SEMA3E: variants seen among roughly 807,000 people sequenced by gnomAD.
SEMA3E encodes semaphorin 3E.
A neutral mutation model predicts 93.6 loss-of-function variants in SEMA3E; 49 were observed. That is an observed-to-expected ratio of 0.52 (90% CI 0.42 to 0.66). The LOEUF (loss-of-function observed/expected upper bound fraction) is 0.66, where lower values mean the gene tolerates loss of function less well. SEMA3E is among the 30% of genes least tolerant of loss of function. The pLI is 0.00. For synonymous variants in SEMA3E, 363 were observed against 330.7 expected (o/e 1.10, Z -1.06); for missense variants, 906 against 964.8 (o/e 0.94, Z 0.81).
At chr7:83,582,893 T>G (rs1057490876) in intron 1 of SEMA3E, among the ~76,000 whole-genome samples, 3 of 152,126 alleles carry the variant, frequency 2.0e-5, no homozygotes, top group African/African-American at 7.2e-5. Context: ...TGTATATGTA[T>G]GTAAATATTT....
At chr7:83,389,159 A>C (rs989582954) in intron 14 of SEMA3E, among the ~76,000 whole-genome samples, 1 of 152,106 alleles carries the variant, frequency 6.6e-6, no homozygotes, top group Admixed American at 6.6e-5. Context: ...GCAAAAGTAG[A>C]AAGTTGTATG....
At position 83,466,566 on chromosome 7, in the gene SEMA3E, G is replaced by T; in HGVS notation, c.372C>A (p.His124Gln). The change falls in exon 4 of 17, where the codon CAC (histidine) becomes CAA (glutamine). Residue 124 changes from histidine (H) to glutamine (Q), a missense_variant. Transcript: ENST00000643230. The part of the protein sequence containing the change: ...ECANYVRVLH[H>Q]YNRTHLLTCG... ...AGGTCAGAAGGTGTGTCCTGTTATA[G>T]TGATGCAAAACCCGAACATAATTTG... 1 of 1,613,932 alleles carries T rather than the reference G, an allele frequency of 6.2e-7. No homozygotes were observed. Among genetic ancestry groups the T allele is most frequent in the Non-Finnish European group, 8.5e-7 (1 of 1,179,988 alleles).
chr7:83,505,645 A>G (rs978589304), intron 1 of SEMA3E, among the ~76,000 whole-genome samples: 2 of 152,102 alleles, frequency 1.3e-5, no homozygotes, highest in Non-Finnish European at 1.5e-5. Context: ...TTATTTGTTA[A>G]TTTTTGGAAA....
At chr7:83,502,668 C>A (rs1265061737) in intron 1 of SEMA3E, among the ~76,000 whole-genome samples, 2 of 152,180 alleles carry the variant, frequency 1.3e-5, no homozygotes, top group Non-Finnish European at 2.9e-5. Context: ...ATTATCTTTT[C>A]ATATCCTGTA....
chr7:83,383,463 G>A (rs972623546), intron 16 of SEMA3E, among the ~76,000 whole-genome samples: 1 of 151,844 alleles, frequency 6.6e-6, no homozygotes, highest in African/African-American at 2.4e-5. Context: ...CTTTAATAAA[G>A]TCAGAATTTT....
intron 1 of SEMA3E, among the ~76,000 whole-genome samples, chr7:83,601,989 G>A (rs1435786697): frequency 6.6e-6 from 1 of 152,106 alleles, no homozygotes; most frequent in Non-Finnish European, 1.5e-5. Flanking sequence ...ATATTCCTGG[G>A]CATATACTAA....
At chr7:83,604,319 G>A (rs1167933734) in intron 1 of SEMA3E, among the ~76,000 whole-genome samples, 1 of 151,722 alleles carries the variant, frequency 6.6e-6, no homozygotes, top group East Asian at 1.9e-4. Flanking sequence ...GAATCAAGTT[G>A]TCTATAATTT....
chr7:83,602,976 A>C (rs1246866862), intron 1 of SEMA3E, among the ~76,000 whole-genome samples: 1 of 152,210 alleles, frequency 6.6e-6, no homozygotes, highest in African/African-American at 2.4e-5. Context: ...GCATATAGTA[A>C]GTGTGCAATA....
intron 1 of SEMA3E, among the ~76,000 whole-genome samples, chr7:83,546,330 G>A (rs1023529211): frequency 1.1e-5 from 1 of 92,452 alleles, no homozygotes; most frequent in African/African-American, 9.2e-5. Flanking sequence ...GGGTGTGTGT[G>A]TGTGTGTGTG....
rs114528353 is a variant in SEMA3E at position 83,420,018 on chromosome 7, G to A, written c.457-1535C>T. Among the ~76,000 whole-genome samples, 1,304 of 152,212 alleles carry A rather than the reference G, an allele frequency of 8.6e-3. 16 individuals carry two copies. The highest frequency in any genetic ancestry group is 0.03 in the African/African-American group (1,232 of 41,544). ...AGAAGTCAAACGATCTCTCTTCACTGATTGATTCTATACCTAGAAAATTCT... is the reference window on the plus strand; with the variant it reads ...AGAAGTCAAACGATCTCTCTTCACTAATTGATTCTATACCTAGAAAATTCT... On this transcript the variant is annotated intron_variant, in intron 4 of 16. Coordinates refer to ENST00000643230, the MANE Select transcript of SEMA3E (RefSeq NM_012431.3).
chr7:83,442,815 G>GC (rs1196082391), intron 4 of SEMA3E, among the ~76,000 whole-genome samples: 1 of 152,060 alleles, frequency 6.6e-6, no homozygotes, highest in African/African-American at 2.4e-5. Flanking sequence ...GAACTTCTAT[G>GC]CCCCCCATGA....
chr7:83,433,844 T>C (rs535220232), intron 4 of SEMA3E, among the ~76,000 whole-genome samples: 1 of 152,112 alleles, frequency 6.6e-6, no homozygotes, highest in Non-Finnish European at 1.5e-5. Flanking sequence ...CTATAGCTTA[T>C]CAAAGTTAGA....
At chr7:83,587,194 A>G (rs1462886650) in intron 1 of SEMA3E, among the ~76,000 whole-genome samples, 3 of 152,204 alleles carry the variant, frequency 2.0e-5, no homozygotes, top group African/African-American at 7.2e-5. Flanking sequence ...AAAGATTTAT[A>G]TATATATGTT....
intron 2 of SEMA3E, among the ~76,000 whole-genome samples, chr7:83,481,259 A>G (rs1415736365): frequency 1.3e-5 from 2 of 152,162 alleles, no homozygotes; most frequent in Non-Finnish European, 1.5e-5. Context: ...ATATTGTCAC[A>G]TTATGATCAG....
chr7:83,573,462 A>G (rs962613961), intron 1 of SEMA3E, among the ~76,000 whole-genome samples: 2 of 152,108 alleles, frequency 1.3e-5, no homozygotes, highest in Admixed American at 6.6e-5. Flanking sequence ...CATAGGAAAT[A>G]TTGATATTGT....
Position 83,645,719 on chromosome 7 carries a change from T to TTCTCTC in SEMA3E, c.115+2703_115+2708dup, listed in dbSNP as rs57724559. Among the ~76,000 whole-genome samples the TTCTCTC allele has an allele frequency of 3.7e-3, 543 of 146,552 alleles. 4 individuals carry two copies. The highest frequency in any genetic ancestry group is 0.013 in the African/African-American group (507 of 39,886). Reference sequence around the variant, plus strand: ...CTTACTACCCTTGTACCTTGTCTCCTTCTCTCTCTCTCTCTCTCTCTCTCT... The same window carrying TTCTCTC: ...CTTACTACCCTTGTACCTTGTCTCCTTCTCTCTCTCTCTCTCTCTCTCTCTCTCTCT... On this transcript the variant is annotated intron_variant, in intron 1 of 16. Transcript: ENST00000643230.
chr7:83,407,379 T>C, intron 6 of SEMA3E, 140 bp from the exon 7 acceptor site: 1 of 793,582 alleles, frequency 1.3e-6, no homozygotes, highest in Non-Finnish European at 2.0e-6. Context: ...TTCTTGAATT[T>C]TTTTACCAAA....
intron 1 of SEMA3E, among the ~76,000 whole-genome samples, chr7:83,563,576 G>A (rs1792080430): frequency 6.6e-6 from 1 of 152,128 alleles, no homozygotes; most frequent in Non-Finnish European, 1.5e-5. Context: ...ACTTTGGAGT[G>A]GGGCCCAGCA....
At chr7:83,549,254 G>A (rs751023587) in intron 1 of SEMA3E, among the ~76,000 whole-genome samples, 5 of 151,920 alleles carry the variant, frequency 3.3e-5, no homozygotes, top group African/African-American at 7.3e-5. Flanking sequence ...CTCATTTAAC[G>A]TCTCAACAAA....
Sources: gnomAD v4.1 joint callset for allele counts (sites outside exome capture counted in the v4.1 genomes callset) on GRCh38, gnomAD v4.1.1 for gene constraint, MANE v1.5 for transcripts, NCBI Gene and HGNC (gene_info 2026-07-23, HGNC 2026-07-21) for gene names.